The following CDH11 variants were observed in gnomAD, a reference collection of about 807,000 sequenced individuals.
The protein encoded by CDH11 is cadherin 11, also known as cadherin-11.
A neutral mutation model predicts 67.8 loss-of-function variants in CDH11; 11 were observed. The ratio of observed to expected loss-of-function variants is 0.16; its 90% confidence interval spans 0.10 to 0.27. The LOEUF (loss-of-function observed/expected upper bound fraction) is 0.27, where lower values mean the gene tolerates loss of function less well. CDH11 is among the 10% of genes least tolerant of loss of function. The probability of loss-of-function intolerance (pLI) is 1.00; values close to 1 mark genes in which losing one functional copy is unlikely to be tolerated. For missense variants in CDH11, 847 were observed against 1,031.2 expected (o/e 0.82, Z 2.45); for synonymous variants, 419 against 400.0 (o/e 1.05, Z -0.57).
intron 1 of CDH11, among the ~76,000 whole-genome samples, chr16:65,077,273 A>C (rs151306425): frequency 1.3e-5 from 2 of 152,226 alleles, no homozygotes; most frequent in African/African-American, 4.8e-5. Flanking sequence ...AGGAAAAAAA[A>C]GTGAGTATAA....
At chr16:64,959,339 G>C (rs1056824946) in intron 11 of CDH11, among the ~76,000 whole-genome samples, 2 of 152,116 alleles carry the variant, frequency 1.3e-5, no homozygotes, top group African/African-American at 4.8e-5. Flanking sequence ...ACTTATGTTT[G>C]ATAGTAATTT....
At chr16:65,048,618 TA>T (rs1363730478) in intron 2 of CDH11, among the ~76,000 whole-genome samples, 1 of 151,898 alleles carries the variant, frequency 6.6e-6, no homozygotes, top group Non-Finnish European at 1.5e-5. Context: ...TATATACACA[TA>T]AAAAAGAATG....
intron 1 of CDH11, among the ~76,000 whole-genome samples, chr16:65,080,768 C>T (rs1375470652): frequency 1.3e-5 from 2 of 152,132 alleles, no homozygotes; most frequent in Non-Finnish European, 2.9e-5. Context: ...GTTCTTTAGT[C>T]ATCATTTTGC....
chr16:65,073,300 A>C (rs2074451708), intron 1 of CDH11, among the ~76,000 whole-genome samples: 1 of 152,156 alleles, frequency 6.6e-6, no homozygotes, highest in African/African-American at 2.4e-5. Flanking sequence ...TTATTTTTTT[A>C]CTTGAGACAG....
chr16:65,076,625 C>G (rs2074513989), intron 1 of CDH11, among the ~76,000 whole-genome samples: 1 of 152,044 alleles, frequency 6.6e-6, no homozygotes, highest in Admixed American at 6.6e-5. Flanking sequence ...GTTTGCTGCA[C>G]CCATCAACCT....
chr16:65,042,954 T>C (rs558890694), intron 2 of CDH11, among the ~76,000 whole-genome samples: 2 of 152,294 alleles, frequency 1.3e-5, no homozygotes, highest in South Asian at 4.1e-4. Context: ...ACTGATTTCC[T>C]GGAAGCAGTG....
chr16:65,046,094 C>T (rs535545617), intron 2 of CDH11, among the ~76,000 whole-genome samples: 4 of 152,274 alleles, frequency 2.6e-5, no homozygotes, highest in Admixed American at 6.5e-5. Context: ...TTCCATGTAA[C>T]GCAGGGAGGA....
At chr16:65,100,737 CA>C (rs34745214) in intron 1 of CDH11, among the ~76,000 whole-genome samples, 8,541 of 92,938 alleles carry the variant, frequency 0.092, 313 homozygotes, top group African/African-American at 0.23. Flanking sequence ...GACTCTGTCT[CA>C]AAAAAAAAAA....
chr16:65,007,870 A>G (rs1190935493), intron 2 of CDH11, among the ~76,000 whole-genome samples: 1 of 152,222 alleles, frequency 6.6e-6, no homozygotes, highest in African/African-American at 2.4e-5. Context: ...GCAGGCCGTC[A>G]ATACAATTTT....
intron 1 of CDH11, among the ~76,000 whole-genome samples, chr16:65,111,559 CTAATG>C (rs1344742386): frequency 1.3e-5 from 2 of 151,972 alleles, no homozygotes; most frequent in Admixed American, 1.3e-4. Flanking sequence ...GCAATAAAAG[CTAATG>C]TAATGTAGCC....
At chr16:64,982,836 A>G (rs941929826) in intron 7 of CDH11, 18 of 153,344 alleles carry the variant, frequency 1.2e-4, no homozygotes, top group African/African-American at 4.3e-4. Context: ...GCAGTGGCCC[A>G]TAAGATGACA....
chr16:65,051,534 A>G (rs2074056080), intron 2 of CDH11, among the ~76,000 whole-genome samples: 1 of 152,238 alleles, frequency 6.6e-6, no homozygotes, highest in South Asian at 2.1e-4. Context: ...CACTATGGCC[A>G]TAGACAAGTT....
intron 11 of CDH11, chr16:64,968,531 C>T: frequency 7.1e-6 from 7 of 985,360 alleles, no homozygotes; most frequent in Non-Finnish European, 8.4e-6. Flanking sequence ...ATCCAGTGTT[C>T]TATTTTCCTG....
chr16:64,948,527 A>G lies in CDH11; in HGVS notation c.1895-428T>C, dbSNP rs750719033. 2.0e-5 allele frequency: 23 copies of G among 1,172,250 alleles called. No individual in the cohort carries two copies. The South Asian group carries it at 2.5e-4, about 13-fold the overall frequency. The allele number at this position is 1,172,250 out of a possible 1,614,324, so 72.6% of individuals were successfully genotyped here. On this transcript the variant is annotated intron_variant, in intron 12 of 12. Coordinates refer to ENST00000268603, the MANE Select transcript of CDH11 (RefSeq NM_001797.4). Reference sequence around the variant, plus strand: ...ACATGCAGAGCCCTTAGGGCCTACCATCTTATAGGGGGTGATGGCTAGCTT... The same window carrying G: ...ACATGCAGAGCCCTTAGGGCCTACCGTCTTATAGGGGGTGATGGCTAGCTT...
intron 1 of CDH11, among the ~76,000 whole-genome samples, chr16:65,062,551 G>A (rs375556986): frequency 3.3e-5 from 5 of 152,162 alleles, no homozygotes; most frequent in African/African-American, 1.2e-4. Context: ...ACAAAATCAG[G>A]TTTCTCAAAA....
rs542403302 is a variant in CDH11 at position 65,051,639 on chromosome 16, C to A, written c.-173+2165G>T. ...GTGTGGAAGGAGGAACCTGTAATCC[C>A]CAAGTGTGAAGGGAGGGAGGTGATT... On this transcript the variant is annotated intron_variant, in intron 2 of 12. Transcript: ENST00000268603. Among the ~76,000 whole-genome samples the A allele has an allele frequency of 2.6e-5, 4 of 152,216 alleles. No homozygotes were observed. The South Asian group carries it at 8.3e-4, about 32-fold the overall frequency.
chr16:65,023,829 C>T (rs192832161), intron 2 of CDH11, among the ~76,000 whole-genome samples: 10 of 152,250 alleles, frequency 6.6e-5, no homozygotes, highest in Admixed American at 1.3e-4. Context: ...CTTTCATTGC[C>T]GTCTTGGTTT....
At position 65,121,219 on chromosome 16, in the gene CDH11, T is replaced by G. The variant is rs149759617; in HGVS notation, c.-298+661A>C. ...CGGGCGCCAGAGCTCCCGCAGAGACTCGGGCTGGAGGGCTGTAGCGCACCG... is the reference window on the plus strand; with the variant it reads ...CGGGCGCCAGAGCTCCCGCAGAGACGCGGGCTGGAGGGCTGTAGCGCACCG... On this transcript the variant is annotated intron_variant, in intron 1 of 12. Transcript: ENST00000268603. The surrounding 1 kb of genome is among the most constrained non-coding windows in gnomAD (Gnocchi z 4.1). Among the ~76,000 whole-genome samples, 942 of 152,260 alleles carry G rather than the reference T, an allele frequency of 6.2e-3. 20 individuals carry two copies. The highest frequency in any genetic ancestry group is 0.021 in the African/African-American group (862 of 41,552).
intron 1 of CDH11, among the ~76,000 whole-genome samples, chr16:65,075,677 C>A (rs947428300): frequency 6.6e-6 from 1 of 152,188 alleles, no homozygotes; most frequent in African/African-American, 2.4e-5. Flanking sequence ...GATTTATCTC[C>A]TCTGATGAAG....
Sources: gnomAD v4.1 joint callset for allele counts (sites outside exome capture counted in the v4.1 genomes callset) on GRCh38, gnomAD v4.1.1 for gene constraint, Gnocchi (gnomAD v3.1) non-coding constraint, MANE v1.5 for transcripts, NCBI Gene and HGNC (gene_info 2026-07-23, HGNC 2026-07-21) for gene names.